The following ZBTB40 variants were observed in gnomAD, a reference collection of about 807,000 sequenced individuals.
ZBTB40 encodes the protein zinc finger and BTB domain-containing protein 40.
ZBTB40 carries 60 observed loss-of-function variants against 117.5 expected under a neutral mutation model. The ratio of observed to expected loss-of-function variants is 0.51; its 90% CI spans 0.41 to 0.63. The LOEUF (loss-of-function observed/expected upper bound fraction) is 0.63, where lower values mean the gene tolerates loss of function less well. ZBTB40 is among the 30% of genes least tolerant of loss of function. The pLI is 0.00. For synonymous variants in ZBTB40, 525 were observed against 577.1 expected (o/e 0.91, Z 1.29); for missense variants, 1,287 against 1,498.5 (o/e 0.86, Z 2.33).
chr1:22,508,702 A>T lies in ZBTB40; in HGVS notation c.1670A>T (p.Glu557Val). The T allele has an allele frequency of 6.2e-7, 1 of 1,614,004 alleles. No individual in the cohort carries two copies. The highest frequency in any genetic ancestry group is 2.2e-5 in the East Asian group (1 of 44,874). Residue 557 changes from glutamate to valine, a missense_variant, in exon 8 of 18, where the codon GAG (glutamate) becomes GTG (valine). Physicochemically the swap from Glu to Val is moderately radical, Grantham distance 121. Coordinates refer to ENST00000375647, the MANE Select transcript of ZBTB40 (RefSeq NM_014870.4). Reference protein sequence around the residue: ...LDLLMEEIRREPGADAFFRAV... With the variant: ...LDLLMEEIRRVPGADAFFRAV... Reference sequence around the variant, plus strand: ...CTGCTCATGGAGGAAATACGAAGGGAGCCTGGTGCCGATGCTTTCTTCCGG... The same window carrying T: ...CTGCTCATGGAGGAAATACGAAGGGTGCCTGGTGCCGATGCTTTCTTCCGG...
At chr1:22,511,031 A>G (rs1639216447) in intron 9 of ZBTB40, 148 bp from the exon 10 acceptor site, 2 of 993,772 alleles carry the variant, frequency 2.0e-6, no homozygotes, top group African/African-American at 1.6e-5. Flanking sequence ...GCTGTCCACT[A>G]CATTTATCAC....
rs111889372 is a variant in ZBTB40 at position 22,517,977 on chromosome 1, C to A, written c.2833+513C>A. On this transcript the variant is annotated intron_variant, in intron 13 of 17. Transcript: ENST00000375647. Reference sequence around the variant, plus strand: ...GGTCTGCCCCTGTCTTTCTCCCCTTCTGTGAGAACTGACACAGACAGAAAC... The same window carrying A: ...GGTCTGCCCCTGTCTTTCTCCCCTTATGTGAGAACTGACACAGACAGAAAC... Among the ~76,000 whole-genome samples the A allele has an allele frequency of 6.0e-3, 917 of 152,352 alleles. 12 individuals are homozygous for A. The highest frequency in any genetic ancestry group is 0.021 in the African/African-American group (867 of 41,578).
At chr1:22,489,709 A>T (rs143795091) in intron 1 of ZBTB40, among the ~76,000 whole-genome samples, 171 bp from the exon 2 acceptor site, 1 of 152,334 alleles carries the variant, frequency 6.6e-6, no homozygotes, top group Non-Finnish European at 1.5e-5. Context: ...TTAAACACAT[A>T]ATGATAATGA....
chr1:22,474,303 G>C (rs139277328), intron 1 of ZBTB40, among the ~76,000 whole-genome samples: 2 of 152,324 alleles, frequency 1.3e-5, no homozygotes, highest in East Asian at 3.9e-4. Flanking sequence ...ACATGTGAGA[G>C]ATACTATCAT....
chr1:22,483,854 T>G (rs552327817), intron 1 of ZBTB40, among the ~76,000 whole-genome samples: 1 of 152,374 alleles, frequency 6.6e-6, no homozygotes, highest in Non-Finnish European at 1.5e-5. Context: ...TTTTCTCCTA[T>G]GTTAACTTCT....
intron 1 of ZBTB40, among the ~76,000 whole-genome samples, chr1:22,477,542 A>C (rs1641580637): frequency 6.6e-6 from 1 of 151,908 alleles, no homozygotes; most frequent in Admixed American, 6.6e-5. Flanking sequence ...CCAGCTACTC[A>C]GGCAGCTGAG....
intron 17 of ZBTB40, among the ~76,000 whole-genome samples, chr1:22,525,087 C>T (rs1376097530): frequency 1.3e-5 from 2 of 152,156 alleles, no homozygotes; most frequent in Non-Finnish European, 2.9e-5. Context: ...TCCCGCTGTC[C>T]AGTTCCAGAT....
rs556586070 is a variant in ZBTB40 at position 22,491,546 on chromosome 1, G to A, written c.831+13G>A. ...TCCACAGAAGGAGGTAGGCACCTCT[G>A]ACTTTTGTACTTGTTTGCTAGTTTA... On this transcript the variant is annotated intron_variant, in intron 3 of 17. Coordinates refer to ENST00000375647, the MANE Select transcript of ZBTB40 (RefSeq NM_014870.4). 7.4e-6 allele frequency: 12 copies of A among 1,613,336 alleles called. No homozygotes were observed. The South Asian group carries it at 1.2e-4, about 16-fold the overall frequency.
chr1:22,467,558 TC>T (rs1433973518), intron 1 of ZBTB40, among the ~76,000 whole-genome samples: 1 of 152,134 alleles, frequency 6.6e-6, no homozygotes, highest in Non-Finnish European at 1.5e-5. Flanking sequence ...CACTGCAATC[TC>T]TGCCTCCCTG....
chr1:22,509,379 C>A, intron 9 of ZBTB40, 146 bp downstream of exon 9: 2 of 1,236,024 alleles, frequency 1.6e-6, no homozygotes, highest in Non-Finnish European at 2.3e-6. Context: ...CAGAGTCTTG[C>A]TCTGTCGCCC....
intron 12 of ZBTB40, among the ~76,000 whole-genome samples, chr1:22,516,285 C>T (rs1174816041): frequency 6.6e-6 from 1 of 152,200 alleles, no homozygotes; most frequent in East Asian, 1.9e-4. Flanking sequence ...TATCCTGCTG[C>T]TGTAACAAAT....
At chr1:22,499,422 G>C (rs1406088034) in intron 3 of ZBTB40, among the ~76,000 whole-genome samples, 2 of 152,228 alleles carry the variant, frequency 1.3e-5, no homozygotes. Context: ...TCAGGTATTA[G>C]GGTCCATTTT....
chr1:22,519,697 A>G, intron 13 of ZBTB40: 1 of 346,540 alleles, frequency 2.9e-6, no homozygotes, highest in Non-Finnish European at 5.6e-6. Flanking sequence ...CTCTACAGAG[A>G]ATTAGAAAAC....
intron 3 of ZBTB40, among the ~76,000 whole-genome samples, chr1:22,499,101 C>G (rs2124441113): frequency 6.6e-6 from 1 of 152,344 alleles, no homozygotes; most frequent in Non-Finnish European, 1.5e-5. Flanking sequence ...GGCTACATCT[C>G]AAGGCTCAAC....
At chr1:22,512,779 T>C in intron 11 of ZBTB40, 145 bp from the exon 12 acceptor site, 2 of 869,636 alleles carry the variant, frequency 2.3e-6, no homozygotes, top group Admixed American at 4.0e-5. Flanking sequence ...GTGCAGTGGG[T>C]ACCAGCGTGG....
In ZBTB40 at chr1:22,445,008, C is replaced by T. The variant is rs116701951; in HGVS notation, c.-70+15994C>T. Among the ~76,000 whole-genome samples, 870 of 151,862 alleles carry T rather than the reference C, an allele frequency of 5.7e-3. 6 individuals carry two copies. Among genetic ancestry groups the T allele is most frequent in the African/African-American group, 0.02 (840 of 41,510 alleles). Reference sequence around the variant, plus strand: ...AGGTTGCTGCAGACCCATACAGATTCACAGCTGCTAACATACTTTGGTGCC... The same window carrying T: ...AGGTTGCTGCAGACCCATACAGATTTACAGCTGCTAACATACTTTGGTGCC... On this transcript the variant is annotated intron_variant, in intron 1 of 8. Coordinates refer to the ZBTB40 transcript ENST00000650433.
At chr1:22,439,107 C>G (rs1314385510) in intron 1 of ZBTB40, among the ~76,000 whole-genome samples, 3 of 152,162 alleles carry the variant, frequency 2.0e-5, no homozygotes, top group African/African-American at 7.2e-5. Flanking sequence ...ACCTTGTTAT[C>G]CACCCGCCTT....
In ZBTB40 at chr1:22,467,152, AG is replaced by A. The variant is rs567091514; in HGVS notation, c.-70+15149del. On this transcript the variant is annotated intron_variant, in intron 1 of 17. Coordinates refer to ENST00000375647, the MANE Select transcript of ZBTB40 (RefSeq NM_014870.4). ...AATTAATTATTTCTGATAGATTCCTAGAAGTGATTCTAAAAGGCATAAACAT... is the reference window on the plus strand; with the variant it reads ...AATTAATTATTTCTGATAGATTCCTAAAGTGATTCTAAAAGGCATAAACAT... Among the ~76,000 whole-genome samples the A allele has an allele frequency of 5.9e-5, 9 of 152,294 alleles. No individual in the cohort carries two copies. In the South Asian group the frequency reaches 1.9e-3, roughly 32 times the overall value.
At position 22,502,256 on chromosome 1, in the gene ZBTB40, T is replaced by C. The variant is rs779984607; in HGVS notation, c.1025-43T>C. On this transcript the variant is annotated intron_variant, in intron 4 of 17. Coordinates refer to ENST00000375647, the MANE Select transcript of ZBTB40 (RefSeq NM_014870.4). ...AAACCATGCTGTCATTTTCTTCAAA[T>C]TGACTAGCTTCTCTTGTGTGTCTCT... 8 of 1,595,092 alleles carry C rather than the reference T, an allele frequency of 5.0e-6. No homozygotes were observed. In the East Asian group the frequency reaches 1.1e-4, roughly 23 times the overall value.
Sources: gnomAD v4.1 joint callset for allele counts (sites outside exome capture counted in the v4.1 genomes callset) on GRCh38, gnomAD v4.1.1 for gene constraint, MANE v1.5 for transcripts, NCBI Gene and HGNC (gene_info 2026-07-23, HGNC 2026-07-21) for gene names.